Variants in CNTNAP2 observed in about 807,000 individuals in gnomAD.
CNTNAP2 encodes contactin-associated protein-like 2.
A neutral mutation model predicts 155.2 loss-of-function variants in CNTNAP2; 98 were observed. The ratio of observed to expected loss-of-function variants is 0.63; its 90% confidence interval spans 0.54 to 0.75. The LOEUF (loss-of-function observed/expected upper bound fraction) is 0.75. Ranked by LOEUF, CNTNAP2 falls within the 30% of genes least tolerant of loss-of-function variation. The pLI, the probability that CNTNAP2 is intolerant of heterozygous loss-of-function variation, is 0.00. For missense variants in CNTNAP2, 1,727 were observed against 1,688.1 expected (o/e 1.02, Z -0.40); for synonymous variants, 651 against 631.2 (o/e 1.03, Z -0.47).
chr7:147,311,756 CTA>C (rs1795131977), intron 9 of CNTNAP2, among the ~76,000 whole-genome samples: 2 of 152,056 alleles, frequency 1.3e-5, no homozygotes, highest in Non-Finnish European at 2.9e-5. Flanking sequence ...ATCTAATACT[CTA>C]TGACAGAACA....
At chr7:147,033,923 AGCAAAGCAAGT>A (rs1406077873) in intron 3 of CNTNAP2, among the ~76,000 whole-genome samples, 2 of 152,122 alleles carry the variant, frequency 1.3e-5, no homozygotes, top group Admixed American at 6.5e-5. Flanking sequence ...ATAAAGTGCA[AGCAAAGCAAGT>A]TTATTAGAGT....
chr7:147,997,487 C>T (rs759368686), intron 15 of CNTNAP2, among the ~76,000 whole-genome samples: 3 of 149,360 alleles, frequency 2.0e-5, no homozygotes, highest in Non-Finnish European at 4.4e-5. Context: ...AACCGGGAGG[C>T]GGAGGTTGTG....
intron 21 of CNTNAP2, among the ~76,000 whole-genome samples, chr7:148,345,301 C>G (rs1237058556): frequency 6.6e-6 from 1 of 152,106 alleles, no homozygotes; most frequent in Non-Finnish European, 1.5e-5. Context: ...AAGCCTATAA[C>G]CCACAGCATC....
At chr7:147,961,748 C>G (rs2250528) in intron 14 of CNTNAP2, among the ~76,000 whole-genome samples, 2 of 151,972 alleles carry the variant, frequency 1.3e-5, no homozygotes, top group Non-Finnish European at 2.9e-5. Context: ...ACTGGCATTA[C>G]AATTTTTATT....
At chr7:147,210,624 C>T (rs1803127183) in intron 8 of CNTNAP2, among the ~76,000 whole-genome samples, 1 of 151,792 alleles carries the variant, frequency 6.6e-6, no homozygotes, top group African/African-American at 2.4e-5. Flanking sequence ...TTCTTTTCTT[C>T]TGCTGGCTTT....
chr7:148,158,222 C>CTT (rs1224617335), intron 17 of CNTNAP2, among the ~76,000 whole-genome samples: 7 of 94,792 alleles, frequency 7.4e-5, no homozygotes, highest in Admixed American at 2.6e-4. Context: ...AATGTTTGCG[C>CTT]TTTTTTTTTT....
chr7:147,006,882 C>G (rs953488264), intron 3 of CNTNAP2, among the ~76,000 whole-genome samples: 2 of 151,924 alleles, frequency 1.3e-5, no homozygotes, highest in African/African-American at 4.8e-5. Flanking sequence ...TCAGCAATGG[C>G]AATGTTTATT....
intron 8 of CNTNAP2, among the ~76,000 whole-genome samples, chr7:147,233,788 A>G (rs1195622015): frequency 6.6e-6 from 1 of 151,418 alleles, no homozygotes; most frequent in Admixed American, 6.6e-5. Context: ...GAAAATGTAT[A>G]TGTCTAAAAC....
chr7:146,842,415 G>A (rs906323385), intron 3 of CNTNAP2, among the ~76,000 whole-genome samples: 2 of 152,080 alleles, frequency 1.3e-5, no homozygotes, highest in African/African-American at 4.8e-5. Context: ...TACGTGATGA[G>A]TGATTATTAG....
intron 1 of CNTNAP2, among the ~76,000 whole-genome samples, chr7:146,728,358 A>G (rs1801467644): frequency 6.6e-6 from 1 of 152,060 alleles, no homozygotes; most frequent in South Asian, 2.1e-4. Flanking sequence ...AGTGAGTTTC[A>G]CCCTTATCAG....
chr7:148,297,165 A>AAGGAAGG (rs1797299988), intron 21 of CNTNAP2, among the ~76,000 whole-genome samples: 60 of 128,922 alleles, frequency 4.7e-4, no homozygotes, highest in African/African-American at 1.7e-3. Context: ...GAGATAGAGA[A>AAGGAAGG]AAGGAAGGAA....
chr7:146,826,043 G>A (rs1340539038), intron 2 of CNTNAP2, among the ~76,000 whole-genome samples: 3 of 151,920 alleles, frequency 2.0e-5, no homozygotes, highest in African/African-American at 7.3e-5. Flanking sequence ...TTTTTTTCCA[G>A]TGATGTCTTT....
At chr7:147,171,914 A>T (rs1802235941) in intron 8 of CNTNAP2, among the ~76,000 whole-genome samples, 1 of 152,130 alleles carries the variant, frequency 6.6e-6, no homozygotes, top group Non-Finnish European at 1.5e-5. Context: ...AAAAAACGAG[A>T]ATACCTGCAA....
intron 1 of CNTNAP2, among the ~76,000 whole-genome samples, chr7:146,328,546 T>C (rs1372432431): frequency 1.3e-5 from 2 of 152,030 alleles, no homozygotes; most frequent in Non-Finnish European, 2.9e-5. Context: ...TGTGTGTGTA[T>C]GGTGAGAACA....
At chr7:147,804,784 C>T (rs971728420) in intron 13 of CNTNAP2, among the ~76,000 whole-genome samples, 1 of 152,100 alleles carries the variant, frequency 6.6e-6, no homozygotes, top group South Asian at 2.1e-4. Context: ...AAACTCCTGA[C>T]CTCAAATGAT....
intron 10 of CNTNAP2, among the ~76,000 whole-genome samples, chr7:147,449,275 C>T (rs1797791872): frequency 6.6e-6 from 1 of 152,056 alleles, no homozygotes; most frequent in Non-Finnish European, 1.5e-5. Flanking sequence ...GAAATGTGAA[C>T]ATAAAATGCA....
At chr7:146,530,658 C>T (rs1193882682) in intron 1 of CNTNAP2, among the ~76,000 whole-genome samples, 14 of 152,092 alleles carry the variant, frequency 9.2e-5, no homozygotes, top group Admixed American at 2.0e-4. Flanking sequence ...AAATGCAAAT[C>T]AAAACTACAA....
At chr7:147,541,257 C>T (rs1799633893) in intron 11 of CNTNAP2, among the ~76,000 whole-genome samples, 1 of 152,152 alleles carries the variant, frequency 6.6e-6, no homozygotes, top group Non-Finnish European at 1.5e-5. Flanking sequence ...GGGCTATAGG[C>T]TCAAATCTCA....
intron 3 of CNTNAP2, among the ~76,000 whole-genome samples, chr7:146,856,305 C>G (rs376933944): frequency 5.4e-3 from 659 of 122,586 alleles, no homozygotes; most frequent in Non-Finnish European, 6.8e-3. Context: ...TAGATACATA[C>G]ATACATACAT....
Sources: gnomAD v4.1 joint callset for allele counts (sites outside exome capture counted in the v4.1 genomes callset) on GRCh38, gnomAD v4.1.1 for gene constraint, MANE v1.5 for transcripts, NCBI Gene and HGNC (gene_info 2026-07-23, HGNC 2026-07-21) for gene names.